Variants in FHIT observed in about 807,000 individuals in gnomAD.
FHIT encodes bis(5'-adenosyl)-triphosphatase.
In FHIT, 19 loss-of-function variants were observed where a neutral mutation model predicts 17.9. The ratio of observed to expected loss-of-function variants is 1.06; its 90% CI spans 0.74 to 1.56. The LOEUF is 1.56. Ranked by LOEUF, FHIT falls within the 40% of genes most tolerant of loss-of-function variation. The probability of loss-of-function intolerance (pLI) is 0.00; values close to 1 mark genes in which losing one functional copy is unlikely to be tolerated. For missense variants in FHIT, 248 were observed against 189.2 expected, an observed-to-expected ratio of 1.31 and a Z score of -1.82; for synonymous variants, 81 against 69.7, an observed-to-expected ratio of 1.16 and a Z score of -0.81.
At chr3:61,074,212 C>G (rs1046522024) in intron 2 of FHIT, among the ~76,000 whole-genome samples, 1 of 152,148 alleles carries the variant, frequency 6.6e-6, no homozygotes, top group Non-Finnish European at 1.5e-5. Flanking sequence ...TTATAGAATC[C>G]TTCAGAGTTT....
intron 8 of FHIT, among the ~76,000 whole-genome samples, chr3:59,894,427 C>G (rs535885395): frequency 1.3e-5 from 2 of 152,190 alleles, no homozygotes; most frequent in African/African-American, 2.4e-5. Flanking sequence ...GCATCATAAC[C>G]AGGAGGACTA....
rs115584883 is a variant in FHIT at position 60,398,772 on chromosome 3, T to A, written c.103+138088A>T. On this transcript the variant is annotated intron_variant, in intron 5 of 9. Transcript: ENST00000492590. The stretch of plus-strand genomic sequence containing the variant: ...ATAAGGTACCTGGAAGGAATCTATT[T>A]GATTTCATAGGAGTTAAGAAAATAA... Among the ~76,000 whole-genome samples, 626 of 152,294 alleles carry A rather than the reference T, an allele frequency of 4.1e-3. 8 individuals carry two copies. The highest frequency in any genetic ancestry group is 0.015 in the African/African-American group (604 of 41,558).
At chr3:60,759,289 T>A (rs1699552840) in intron 4 of FHIT, among the ~76,000 whole-genome samples, 1 of 152,160 alleles carries the variant, frequency 6.6e-6, no homozygotes, top group African/African-American at 2.4e-5. Context: ...TAGAGAACAC[T>A]TACGCAAAAG....
chr3:60,226,885 T>G (rs1274406111), intron 5 of FHIT, among the ~76,000 whole-genome samples: 1 of 148,092 alleles, frequency 6.8e-6, no homozygotes, highest in Non-Finnish European at 1.5e-5. Flanking sequence ...CATTATCTTC[T>G]CCTCTGGCTA....
At chr3:60,961,783 CCTAT>C (rs1366524273) in intron 3 of FHIT, among the ~76,000 whole-genome samples, 2 of 152,044 alleles carry the variant, frequency 1.3e-5, no homozygotes, top group African/African-American at 2.4e-5. Flanking sequence ...GTTCCATTGG[CCTAT>C]CTCTCTGTTT....
At chr3:59,978,096 GGTAA>G (rs1247896842) in intron 7 of FHIT, among the ~76,000 whole-genome samples, 2 of 152,052 alleles carry the variant, frequency 1.3e-5, no homozygotes, top group Non-Finnish European at 2.9e-5. Context: ...TAAACCTGTG[GGTAA>G]GTATTATTGC....
chr3:60,102,756 T>A (rs969562), intron 5 of FHIT, among the ~76,000 whole-genome samples: 118,288 of 152,082 alleles, frequency 0.78, 47,253 homozygotes, highest in East Asian at 0.98. Flanking sequence ...CATTGTCACT[T>A]ACATCATTAC....
intron 4 of FHIT, among the ~76,000 whole-genome samples, chr3:60,725,342 G>A (rs782009066): frequency 5.9e-5 from 9 of 152,060 alleles, no homozygotes; most frequent in Admixed American, 2.0e-4. Context: ...TTTTGGCACC[G>A]TAGCTAAGAA....
intron 5 of FHIT, among the ~76,000 whole-genome samples, chr3:60,244,749 T>G (rs1705307068): frequency 6.6e-6 from 1 of 152,124 alleles, no homozygotes; most frequent in Non-Finnish European, 1.5e-5. Flanking sequence ...TGAATGGGAC[T>G]TTTATTTAAA....
At chr3:60,088,314 A>C (rs1576071670) in intron 5 of FHIT, among the ~76,000 whole-genome samples, 1 of 152,300 alleles carries the variant, frequency 6.6e-6, no homozygotes, top group Non-Finnish European at 1.5e-5. Context: ...GGGACAAACA[A>C]ATCAAGCATG....
chr3:60,813,829 ATT>A (rs1395453664), intron 4 of FHIT, among the ~76,000 whole-genome samples: 1 of 152,128 alleles, frequency 6.6e-6, no homozygotes, highest in Non-Finnish European at 1.5e-5. Context: ...TGACTCCTTT[ATT>A]ATGACACACT....
At chr3:60,420,229 A>C (rs1174698948) in intron 5 of FHIT, among the ~76,000 whole-genome samples, 2 of 152,192 alleles carry the variant, frequency 1.3e-5, no homozygotes, top group African/African-American at 4.8e-5. Context: ...TTGCTTTGCT[A>C]ACTTTACAAT....
chr3:60,282,910 T>A (rs1707529818), intron 5 of FHIT, among the ~76,000 whole-genome samples: 1 of 152,126 alleles, frequency 6.6e-6, no homozygotes, highest in Admixed American at 6.6e-5. Flanking sequence ...GTCCATGGTT[T>A]CAGGAATACA....
chr3:60,204,170 A>G (rs1171360279), intron 5 of FHIT, among the ~76,000 whole-genome samples: 7 of 152,220 alleles, frequency 4.6e-5, no homozygotes, highest in Non-Finnish European at 8.8e-5. Context: ...GCATGCCTGT[A>G]TCAAAATAGC....
intron 5 of FHIT, among the ~76,000 whole-genome samples, chr3:60,113,544 A>G (rs1396705575): frequency 6.6e-6 from 1 of 151,838 alleles, no homozygotes; most frequent in Non-Finnish European, 1.5e-5. Flanking sequence ...CATAAATCAG[A>G]AATCTTGGCC....
chr3:60,559,743 G>A (rs1292509120), intron 4 of FHIT, among the ~76,000 whole-genome samples: 2 of 105,628 alleles, frequency 1.9e-5, no homozygotes, highest in Non-Finnish European at 4.1e-5. Context: ...TAGAAGATGA[G>A]AAAAAGCATG....
chr3:60,922,340 TG>T (rs1707329523), intron 3 of FHIT, among the ~76,000 whole-genome samples: 1 of 152,198 alleles, frequency 6.6e-6, no homozygotes, highest in Non-Finnish European at 1.5e-5. Flanking sequence ...GTGTTCTCTC[TG>T]GCTTTTACCA....
chr3:60,321,602 G>A (rs934122544), intron 5 of FHIT, among the ~76,000 whole-genome samples: 2 of 152,222 alleles, frequency 1.3e-5, no homozygotes, highest in Non-Finnish European at 2.9e-5. Context: ...GAACTCCAAA[G>A]CCTGTAGGAG....
rs57734772 is a variant in FHIT, at chr3:60,595,627, ATG to A, written c.-17-58650_-17-58649del. Among the ~76,000 whole-genome samples the A allele has an allele frequency of 1.1e-4, 16 of 150,382 alleles. 1 individual carries two copies. Among genetic ancestry groups the A allele is most frequent in the Admixed American group, 3.3e-4 (5 of 15,080 alleles). On this transcript the variant is annotated intron_variant, in intron 4 of 9. Transcript: ENST00000492590. ...TGTAGATATATGTGTGTATGTATAT[ATG>A]TGTGTGTGTGTGTATAGTGTGTGTA...
Sources: allele counts gnomAD v4.1 joint callset (sites outside exome capture counted in the v4.1 genomes callset), GRCh38; gene constraint gnomAD v4.1.1; transcripts MANE v1.5; gene names NCBI Gene and HGNC (gene_info 2026-07-23, HGNC 2026-07-21).